NKAIN2: variants seen among roughly 807,000 people sequenced by gnomAD.
NKAIN2 encodes the protein sodium/potassium transporting ATPase interacting 2.
In NKAIN2, 14 loss-of-function variants were observed where a neutral mutation model predicts 32.6. The ratio of observed to expected loss-of-function variants is 0.43; its 90% CI spans 0.28 to 0.67. NKAIN2 has a LOEUF of 0.67. Ranked by LOEUF, NKAIN2 falls within the 30% of genes least tolerant of loss-of-function variation. NKAIN2 has a pLI of 0.17. For missense variants in NKAIN2, 198 were observed against 258.3 expected, an observed-to-expected ratio of 0.77 and a Z score of 1.60; for synonymous variants, 80 against 87.2, an observed-to-expected ratio of 0.92 and a Z score of 0.46.
At chr6:124,297,580 G>C (rs1051461140) in intron 2 of NKAIN2, among the ~76,000 whole-genome samples, 1 of 151,840 alleles carries the variant, frequency 6.6e-6, no homozygotes, top group Admixed American at 6.6e-5. Context: ...CCTCTCCCTG[G>C]ATCATACCAC....
chr6:124,259,117 T>G (rs1458848770), intron 1 of NKAIN2, among the ~76,000 whole-genome samples: 1 of 152,188 alleles, frequency 6.6e-6, no homozygotes, highest in Non-Finnish European at 1.5e-5. Context: ...CATTCCTGTC[T>G]GTCTGCTTCT....
chr6:123,954,399 A>C lies in NKAIN2; in HGVS notation c.54+150145A>C, dbSNP rs180899516. 6.8e-3 allele frequency among the ~76,000 whole-genome samples: 978 copies of C among 143,664 alleles called. 4 individuals are homozygous for C. Among genetic ancestry groups the C allele is most frequent in the Middle Eastern group, 0.014 (4 of 294 alleles). 94.2% of individuals were successfully genotyped at this position (143,664 alleles called of 152,430 possible). A position where few individuals can be genotyped will look rare whatever the true frequency, so the allele number is the denominator to read the frequency against. Reference sequence around the variant, plus strand: ...GAAGTCCACAGTAGGATGGTGGACTATAGGGGTTCACTCTTGTCCTTTCCC... The same window carrying C: ...GAAGTCCACAGTAGGATGGTGGACTCTAGGGGTTCACTCTTGTCCTTTCCC... On this transcript the variant is annotated intron_variant, in intron 1 of 6. Coordinates refer to ENST00000368417, the MANE Select transcript of NKAIN2 (RefSeq NM_001040214.3).
intron 1 of NKAIN2, among the ~76,000 whole-genome samples, chr6:124,216,769 G>T (rs189957887): frequency 3.9e-4 from 59 of 152,164 alleles, no homozygotes; most frequent in African/African-American, 1.1e-3. Context: ...AAGGAGTTTT[G>T]TATTTATTGG....
Position 124,331,363 on chromosome 6 carries a change from A to C in NKAIN2, c.193-23904A>C, listed in dbSNP as rs996504119. Among the ~76,000 whole-genome samples, 697 of 141,978 alleles carry C rather than the reference A, an allele frequency of 4.9e-3. 8 individuals carry two copies. Among genetic ancestry groups the C allele is most frequent in the Non-Finnish European group, 8.4e-3 (546 of 65,212 alleles). 93.1% of individuals were successfully genotyped at this position (141,978 alleles called of 152,430 possible). A position where few individuals can be genotyped will look rare whatever the true frequency, so the allele number is the denominator to read the frequency against. The stretch of plus-strand genomic sequence containing the variant: ...AAATATACAAAAAAAAAAAAAAAAA[A>C]AAAAAAAAAAAAAAAACTAGCTGGG... On this transcript the variant is annotated intron_variant, in intron 2 of 6. Transcript: ENST00000368417.
intron 3 of NKAIN2, among the ~76,000 whole-genome samples, chr6:124,593,214 T>TGC (rs373123201): frequency 1.1e-3 from 172 of 151,866 alleles, no homozygotes; most frequent in Middle Eastern, 3.4e-3. Flanking sequence ...TTTGTGTGTG[T>TGC]GTGTGTGTGT....
intron 2 of NKAIN2, among the ~76,000 whole-genome samples, chr6:124,330,877 G>T (rs1157269868): frequency 6.6e-6 from 1 of 152,118 alleles, no homozygotes; most frequent in East Asian, 1.9e-4. Flanking sequence ...ACCCTATTGT[G>T]AATTGTGCAT....
At chr6:123,905,775 T>A (rs911939950) in intron 1 of NKAIN2, among the ~76,000 whole-genome samples, 7 of 152,166 alleles carry the variant, frequency 4.6e-5, no homozygotes, top group African/African-American at 1.7e-4. Flanking sequence ...GTTTTACCAA[T>A]AAAATCTTCT....
At chr6:124,481,295 T>C (rs943031577) in intron 3 of NKAIN2, among the ~76,000 whole-genome samples, 8 of 152,038 alleles carry the variant, frequency 5.3e-5, no homozygotes, top group Non-Finnish European at 1.2e-4. Context: ...ATTAAATGAC[T>C]CTGGTAATAC....
intron 1 of NKAIN2, among the ~76,000 whole-genome samples, chr6:124,164,829 T>C (rs964304789): frequency 5.9e-5 from 9 of 152,026 alleles, no homozygotes; most frequent in Non-Finnish European, 1.3e-4. Flanking sequence ...TGTTAATTTG[T>C]TTCTTATTTT....
intron 4 of NKAIN2, among the ~76,000 whole-genome samples, chr6:124,773,709 C>T (rs556995882): frequency 6.6e-6 from 1 of 152,138 alleles, no homozygotes; most frequent in East Asian, 1.9e-4. Flanking sequence ...TTCAGAAACA[C>T]AATAAAAGGG....
rs896613148 is a variant in NKAIN2, at chr6:124,802,601, C to T, written c.535+11202C>T. On this transcript the variant is annotated intron_variant, in intron 5 of 6. Transcript: ENST00000368417. ...TCTGACTCTAGCTTTACAGTTTCTC[C>T]ACCCTGTTAGTTCTCATCTCCCTCA... Among the ~76,000 whole-genome samples, 3 of 152,252 alleles carry T rather than the reference C, an allele frequency of 2.0e-5. No homozygotes were observed. The East Asian group carries it at 5.8e-4, about 29-fold the overall frequency.
intron 2 of NKAIN2, among the ~76,000 whole-genome samples, chr6:124,298,700 T>C (rs2753162): frequency 0.34 from 51,211 of 152,108 alleles, 13,428 homozygotes; most frequent in African/African-American, 0.74. Context: ...AGCAGTTTCT[T>C]GCCTTCTGTG....
At position 124,139,577 on chromosome 6, in the gene NKAIN2, C is replaced by T. The variant is rs184204052; in HGVS notation, c.55-143428C>T. ...AATTAACAGTAGAAAAAGAGTTTCA[C>T]TTAAACTAGTACACATATTTAATCT... On this transcript the variant is annotated intron_variant, in intron 1 of 6. Coordinates refer to ENST00000368417, the MANE Select transcript of NKAIN2 (RefSeq NM_001040214.3). Among the ~76,000 whole-genome samples the T allele has an allele frequency of 9.2e-5, 14 of 152,240 alleles. No homozygotes were observed. In the East Asian group the frequency reaches 2.5e-3, roughly 27 times the overall value.
At chr6:124,640,490 A>G (rs1167620729) in intron 3 of NKAIN2, among the ~76,000 whole-genome samples, 1 of 152,164 alleles carries the variant, frequency 6.6e-6, no homozygotes, top group East Asian at 1.9e-4. Context: ...GGAAAGGAAC[A>G]CTCACAATAT....
rs566370321 is a variant in NKAIN2, at chr6:124,510,350, T to C, written c.274-147836T>C. On this transcript the variant is annotated intron_variant, in intron 3 of 6. Transcript: ENST00000368417. Reference sequence around the variant, plus strand: ...TGCTTTAAAAATTAATTTGAGAAGATATTTGACTTTTTTTCTTTAAACAAA... The same window carrying C: ...TGCTTTAAAAATTAATTTGAGAAGACATTTGACTTTTTTTCTTTAAACAAA... 3.8e-4 allele frequency among the ~76,000 whole-genome samples: 58 copies of C among 152,272 alleles called. No individual in the cohort carries two copies. The South Asian group carries it at 0.011, about 29-fold the overall frequency.
At chr6:123,911,807 A>ATATATATATATATG (rs1473572416) in intron 1 of NKAIN2, among the ~76,000 whole-genome samples, 1 of 103,736 alleles carries the variant, frequency 9.6e-6, no homozygotes, top group African/African-American at 4.4e-5. Flanking sequence ...ATATGTATAT[A>ATATATATATATATG]TATATACACA....
intron 1 of NKAIN2, among the ~76,000 whole-genome samples, chr6:124,036,980 AC>A (rs1411682564): frequency 2.0e-5 from 3 of 152,072 alleles, no homozygotes. Context: ...TTATCTTGCA[AC>A]TCAGTATTCC....
At chr6:124,358,979 C>T (rs1245274303) in intron 3 of NKAIN2, among the ~76,000 whole-genome samples, 1 of 151,016 alleles carries the variant, frequency 6.6e-6, no homozygotes, top group Non-Finnish European at 1.5e-5. Context: ...CCAGTTTCAG[C>T]TTTCTCCATA....
At chr6:124,349,000 A>C (rs1292846145) in intron 2 of NKAIN2, among the ~76,000 whole-genome samples, 1 of 152,166 alleles carries the variant, frequency 6.6e-6, no homozygotes, top group Non-Finnish European at 1.5e-5. Flanking sequence ...GATTGCTAGC[A>C]GTTGTTTTTA....
Sources: gnomAD v4.1 joint callset for allele counts (sites outside exome capture counted in the v4.1 genomes callset) on GRCh38, gnomAD v4.1.1 for gene constraint, MANE v1.5 for transcripts, NCBI Gene and HGNC (gene_info 2026-07-23, HGNC 2026-07-21) for gene names.